Variants in NPAS3 observed in about 807,000 individuals in gnomAD.
NPAS3 encodes neuronal PAS domain-containing protein 3.
NPAS3 carries 14 observed loss-of-function variants against 73.1 expected under a neutral mutation model. The observed-to-expected ratio is 0.19, with a 90% CI of 0.13 to 0.30. NPAS3 has a LOEUF of 0.30. Among genes scored for constraint, NPAS3 ranks in the 10% least tolerant of loss-of-function variants. The probability of loss-of-function intolerance (pLI) is 1.00; values close to 1 mark genes in which losing one functional copy is unlikely to be tolerated. For missense variants in NPAS3, 1,096 were observed against 1,250.0 expected (o/e 0.88, Z 1.86); for synonymous variants, 620 against 541.5 (o/e 1.14, Z -2.01).
At chr14:33,188,794 T>G (rs754476171) in intron 2 of NPAS3, among the ~76,000 whole-genome samples, 12 of 152,226 alleles carry the variant, frequency 7.9e-5, no homozygotes, top group Non-Finnish European at 1.6e-4. Flanking sequence ...AATATTCCTG[T>G]ATATCTTTAC....
intron 4 of NPAS3, among the ~76,000 whole-genome samples, chr14:33,407,529 A>G (rs557218867): frequency 6.6e-6 from 1 of 152,256 alleles, no homozygotes; most frequent in South Asian, 2.1e-4. Context: ...CCATTTTTCA[A>G]TCAGAAACAC....
intron 4 of NPAS3, among the ~76,000 whole-genome samples, chr14:33,449,822 T>C (rs1394718586): frequency 2.0e-5 from 3 of 152,260 alleles, no homozygotes; most frequent in African/African-American, 7.2e-5. Flanking sequence ...TGTTGTCTTG[T>C]AACCATATTT....
chr14:33,006,079 C>T (rs1186711208), intron 1 of NPAS3, among the ~76,000 whole-genome samples: 1 of 152,202 alleles, frequency 6.6e-6, no homozygotes, highest in Non-Finnish European at 1.5e-5. Flanking sequence ...TTCATCTCCT[C>T]TTGCTCTCTG....
At chr14:33,179,445 T>A (rs886610760) in intron 2 of NPAS3, among the ~76,000 whole-genome samples, 1 of 152,196 alleles carries the variant, frequency 6.6e-6, no homozygotes, top group Non-Finnish European at 1.5e-5. Flanking sequence ...GGGCTAAGTG[T>A]TTTTACTATG....
chr14:33,745,571 C>A (rs552518418), intron 7 of NPAS3, among the ~76,000 whole-genome samples: 1 of 152,172 alleles, frequency 6.6e-6, no homozygotes, highest in East Asian at 1.9e-4. Context: ...TGAACACATA[C>A]AATCCATGTC....
At chr14:33,166,751 A>G (rs898937572) in intron 2 of NPAS3, among the ~76,000 whole-genome samples, 1 of 152,192 alleles carries the variant, frequency 6.6e-6, no homozygotes, top group Non-Finnish European at 1.5e-5. Context: ...GATGGTACAC[A>G]TACGATTCTG....
intron 2 of NPAS3, among the ~76,000 whole-genome samples, chr14:33,144,956 T>A (rs77922718): frequency 0.018 from 2,709 of 152,316 alleles, 42 homozygotes; most frequent in Middle Eastern, 0.041. Context: ...ATTTTATCTA[T>A]TATTGTTATC....
intron 5 of NPAS3, among the ~76,000 whole-genome samples, chr14:33,664,566 A>G (rs1048424745): frequency 1.3e-5 from 2 of 152,226 alleles, no homozygotes; most frequent in Non-Finnish European, 2.9e-5. Context: ...AGAAACTATC[A>G]GAGTGAACAG....
intron 1 of NPAS3, among the ~76,000 whole-genome samples, chr14:33,039,388 A>C (rs1226693571): frequency 6.6e-6 from 1 of 152,194 alleles, no homozygotes; most frequent in African/African-American, 2.4e-5. Flanking sequence ...TATTTACTGG[A>C]ATCCACAAGT....
intron 1 of NPAS3, among the ~76,000 whole-genome samples, chr14:33,030,257 T>C (rs2039943447): frequency 6.6e-6 from 1 of 152,180 alleles, no homozygotes; most frequent in Non-Finnish European, 1.5e-5. Context: ...AGTTATGTAA[T>C]GGCAGGAGTT....
chr14:33,563,513 T>TACACACAC (rs1555413073), intron 5 of NPAS3, among the ~76,000 whole-genome samples: 2 of 25,772 alleles, frequency 7.8e-5, no homozygotes, highest in Non-Finnish European at 8.6e-5. Flanking sequence ...CAGATACACA[T>TACACACAC]ACATACACAC....
intron 4 of NPAS3, among the ~76,000 whole-genome samples, chr14:33,384,364 C>G (rs2046682888): frequency 6.6e-6 from 1 of 151,358 alleles, no homozygotes; most frequent in Non-Finnish European, 1.5e-5. Flanking sequence ...AGTATTCACA[C>G]AGTATTATTT....
intron 2 of NPAS3, among the ~76,000 whole-genome samples, chr14:33,130,644 T>G (rs1268670873): frequency 6.6e-6 from 1 of 152,132 alleles, no homozygotes; most frequent in Non-Finnish European, 1.5e-5. Context: ...AACAAGTGAA[T>G]GGGGGAAATG....
At chr14:33,687,717 T>C (rs1299702150) in intron 6 of NPAS3, among the ~76,000 whole-genome samples, 1 of 152,234 alleles carries the variant, frequency 6.6e-6, no homozygotes, top group Admixed American at 6.5e-5. Flanking sequence ...TGCATGTCTA[T>C]AGTTTAGGTA....
chr14:33,649,675 G>A (rs1380975510), intron 5 of NPAS3, among the ~76,000 whole-genome samples: 1 of 152,144 alleles, frequency 6.6e-6, no homozygotes, highest in African/African-American at 2.4e-5. Context: ...TACTAATTTG[G>A]TAAGCAATAA....
At position 33,462,686 on chromosome 14, in the gene NPAS3, C is replaced by T. The variant is rs146926572; in HGVS notation, c.468+95418C>T. Among the ~76,000 whole-genome samples the T allele has an allele frequency of 2.0e-5, 3 of 152,294 alleles. No individual in the cohort carries two copies. In the East Asian group the frequency reaches 5.8e-4, roughly 29 times the overall value. On this transcript the variant is annotated intron_variant, in intron 4 of 11. Coordinates refer to ENST00000356141, the Ensembl canonical transcript of NPAS3. ...TATGCCAAATTGTCACTGGCACCTT[C>T]CAGCCTAAGGCACCCGGGAAGACTT...
At chr14:33,624,190 C>G (rs2058159702) in intron 5 of NPAS3, among the ~76,000 whole-genome samples, 1 of 152,188 alleles carries the variant, frequency 6.6e-6, no homozygotes, top group South Asian at 2.1e-4. Flanking sequence ...TTACACTCTC[C>G]TGGGATGGGG....
chr14:32,938,224 TCTTGGGCCCATCTG>T (rs1215672899), upstream of NPAS3, among the ~76,000 whole-genome samples: 2 of 151,990 alleles, frequency 1.3e-5, no homozygotes, highest in Admixed American at 6.6e-5. Context: ...CCCACGGGGC[TCTTGGGCCCATCTG>T]CTTGGGCCAG....
At chr14:33,289,645 ACCC>A (rs1190948076) in intron 3 of NPAS3, among the ~76,000 whole-genome samples, 1 of 151,902 alleles carries the variant, frequency 6.6e-6, no homozygotes, top group African/African-American at 2.4e-5. Context: ...ACATGGTGAA[ACCC>A]CATGTCTACT....
Sources: allele counts gnomAD v4.1 joint callset (sites outside exome capture counted in the v4.1 genomes callset), GRCh38; gene constraint gnomAD v4.1.1; transcripts MANE v1.5; gene names NCBI Gene and HGNC (gene_info 2026-07-23, HGNC 2026-07-21).